Variants in SGMS1 observed in about 807,000 individuals in gnomAD.
SGMS1 encodes the protein sphingomyelin synthase 1.
In SGMS1, 13 loss-of-function variants were observed where a neutral mutation model predicts 46.2. That is an observed-to-expected ratio of 0.28 (90% CI 0.18 to 0.45). The LOEUF is 0.45. Among genes scored for constraint, SGMS1 ranks in the 20% least tolerant of loss-of-function variants. SGMS1 has a pLI of 1.00. For missense variants in SGMS1, 324 were observed against 519.9 expected (o/e 0.62, Z 3.66); for synonymous variants, 203 against 187.8 (o/e 1.08, Z -0.66).
chr10:50,326,070 T>C (rs1847526629), intron 8 of SGMS1, among the ~76,000 whole-genome samples: 1 of 152,018 alleles, frequency 6.6e-6, no homozygotes, highest in African/African-American at 2.4e-5. Context: ...GCAGGATGGC[T>C]GATAGAGAAG....
chr10:50,354,627 A>G (rs1279421447), intron 6 of SGMS1, among the ~76,000 whole-genome samples: 3 of 152,224 alleles, frequency 2.0e-5, no homozygotes, highest in Non-Finnish European at 4.4e-5. Context: ...TGCACAGCAA[A>G]AGAAACTACC....
At chr10:50,424,333 T>A (rs1307870411) in intron 6 of SGMS1, among the ~76,000 whole-genome samples, 2 of 152,248 alleles carry the variant, frequency 1.3e-5, no homozygotes, top group Non-Finnish European at 2.9e-5. Flanking sequence ...GGCTTTAAGC[T>A]ACCTGATGCT....
At chr10:50,467,235 C>T (rs1404687994) in intron 3 of SGMS1, among the ~76,000 whole-genome samples, 1 of 152,060 alleles carries the variant, frequency 6.6e-6, no homozygotes, top group Non-Finnish European at 1.5e-5. Context: ...TAAATTATCT[C>T]CTCTCAATTT....
At chr10:50,336,090 A>C (rs1242355550) in intron 7 of SGMS1, 3 of 152,200 alleles carry the variant, frequency 2.0e-5, no homozygotes. Context: ...TCCATCATCT[A>C]GCCTTTAGAG....
chr10:50,385,942 C>T (rs963931161), intron 6 of SGMS1, among the ~76,000 whole-genome samples: 1 of 152,098 alleles, frequency 6.6e-6, no homozygotes, highest in Non-Finnish European at 1.5e-5. Context: ...AACTACTATC[C>T]TCTGCTTGCT....
chr10:50,351,915 C>A (rs1311843902), intron 6 of SGMS1, among the ~76,000 whole-genome samples: 1 of 152,146 alleles, frequency 6.6e-6, no homozygotes, highest in East Asian at 1.9e-4. Flanking sequence ...CTTCTTGTAA[C>A]AACCTACACT....
intron 5 of SGMS1, among the ~76,000 whole-genome samples, chr10:50,457,112 C>T (rs994415356): frequency 6.6e-5 from 10 of 152,112 alleles, no homozygotes; most frequent in Admixed American, 4.6e-4. Flanking sequence ...GATTCACTGA[C>T]GCTATTACCC....
chr10:50,409,220 C>T (rs1401111317), intron 6 of SGMS1, among the ~76,000 whole-genome samples: 1 of 152,180 alleles, frequency 6.6e-6, no homozygotes, highest in Non-Finnish European at 1.5e-5. Flanking sequence ...CCATGACCTC[C>T]AGTATTTATT....
At chr10:50,467,571 C>A (rs1198753262) in intron 3 of SGMS1, among the ~76,000 whole-genome samples, 6 of 152,110 alleles carry the variant, frequency 3.9e-5, no homozygotes, top group African/African-American at 1.4e-4. Context: ...GGGGAAAAAG[C>A]CTATTTTTTA....
intron 2 of SGMS1, among the ~76,000 whole-genome samples, chr10:50,566,163 T>C (rs574592439): frequency 1.3e-5 from 2 of 152,362 alleles, no homozygotes; most frequent in African/African-American, 4.8e-5. Context: ...CTTTCATAAG[T>C]GCAGGAGATG....
At chr10:50,576,845 A>T (rs1359668681) in intron 2 of SGMS1, among the ~76,000 whole-genome samples, 1 of 152,232 alleles carries the variant, frequency 6.6e-6, no homozygotes, top group East Asian at 1.9e-4. Context: ...TGCCAACACC[A>T]TGGTGGCAAA....
intron 2 of SGMS1, among the ~76,000 whole-genome samples, chr10:50,566,280 ACT>A (rs1283661947): frequency 6.6e-6 from 1 of 151,610 alleles, no homozygotes; most frequent in Non-Finnish European, 1.5e-5. Flanking sequence ...AGTCTGCCCC[ACT>A]CTTTTTTTTT....
intron 3 of SGMS1, among the ~76,000 whole-genome samples, chr10:50,470,450 A>G (rs1351507834): frequency 2.0e-5 from 3 of 151,574 alleles, no homozygotes; most frequent in African/African-American, 7.3e-5. Context: ...TGCTTGGAGG[A>G]GAACCTTTAC....
At chr10:50,576,745 G>T (rs146510554) in intron 2 of SGMS1, among the ~76,000 whole-genome samples, 143 of 152,212 alleles carry the variant, frequency 9.4e-4, no homozygotes, top group African/African-American at 2.9e-3. Context: ...GAGCACTTTT[G>T]ATGTCACCCA....
At chr10:50,599,217 G>A (rs1033952026) in intron 1 of SGMS1, among the ~76,000 whole-genome samples, 3 of 148,468 alleles carry the variant, frequency 2.0e-5, no homozygotes, top group African/African-American at 7.3e-5. Flanking sequence ...CAAAAAAACA[G>A]TAACAAAAAA....
chr10:50,541,634 C>T (rs998049151), intron 2 of SGMS1, among the ~76,000 whole-genome samples: 4 of 152,076 alleles, frequency 2.6e-5, no homozygotes, highest in Admixed American at 2.6e-4. Context: ...CACTTGGAGA[C>T]AAGACCAGGG....
intron 3 of SGMS1, among the ~76,000 whole-genome samples, chr10:50,489,610 T>C (rs192905094): frequency 5.3e-5 from 8 of 152,360 alleles, no homozygotes; most frequent in African/African-American, 1.9e-4. Flanking sequence ...AGTTCCATGG[T>C]GTGCTGTTTC....
chr10:50,426,252 C>T (rs1242280251), intron 6 of SGMS1, among the ~76,000 whole-genome samples: 2 of 151,840 alleles, frequency 1.3e-5, no homozygotes, highest in East Asian at 1.9e-4. Context: ...AAGTATTTTT[C>T]GTTTATAAAA....
At chr10:50,363,669 C>T (rs1312146727) in intron 6 of SGMS1, among the ~76,000 whole-genome samples, 4 of 152,144 alleles carry the variant, frequency 2.6e-5, no homozygotes, top group Non-Finnish European at 5.9e-5. Context: ...TTGCCTTTTA[C>T]CTTCTTAGGC....
Sources: gnomAD v4.1 joint callset for allele counts (sites outside exome capture counted in the v4.1 genomes callset) on GRCh38, gnomAD v4.1.1 for gene constraint, MANE v1.5 for transcripts, NCBI Gene and HGNC (gene_info 2026-07-23, HGNC 2026-07-21) for gene names.